Variants in MTPN observed in about 807,000 individuals in gnomAD.
The protein encoded by MTPN is granule cell differentiation protein.
In MTPN, 2 loss-of-function variants were observed where a neutral mutation model predicts 13.5. The observed-to-expected ratio is 0.15, with a 90% CI of 0.06 to 0.47. MTPN has a LOEUF of 0.47. Ranked by LOEUF, MTPN falls within the 20% of genes least tolerant of loss-of-function variation. The probability of loss-of-function intolerance (pLI) is 0.97; values close to 1 mark genes in which losing one functional copy is unlikely to be tolerated. For synonymous variants in MTPN, 46 were observed against 51.7 expected (o/e 0.89, Z 0.48); for missense variants, 79 against 137.9 (o/e 0.57, Z 2.14).
intron 1 of MTPN, among the ~76,000 whole-genome samples, chr7:135,972,978 G>C (rs1280592780): frequency 2.0e-5 from 3 of 151,638 alleles, no homozygotes; most frequent in Non-Finnish European, 4.4e-5. Context: ...GCAGGGTCTG[G>C]AGCAGAGTGC....
At position 135,927,794 on chromosome 7, in the gene MTPN, T is replaced by C; in HGVS notation, c.*2132A>G. On this transcript the variant is annotated 3_prime_UTR_variant, in exon 4 of 4. Transcript: ENST00000393085. ...CGAAGGCGAAATAGCCTCTACTGCA[T>C]TACAAGCAACATCAGGATAAACTGT... The C allele has an allele frequency of 4.5e-6, 2 of 445,968 alleles. No homozygotes were observed. The highest frequency in any genetic ancestry group is 9.0e-6 in the Non-Finnish European group (2 of 221,046). 27.6% of individuals were successfully genotyped at this position (445,968 alleles called of 1,614,324 possible). A position where few individuals can be genotyped will look rare whatever the true frequency, so the allele number is the denominator to read the frequency against.
intron 1 of MTPN, among the ~76,000 whole-genome samples, chr7:135,968,063 T>C (rs1409924255): frequency 6.6e-6 from 1 of 152,150 alleles, no homozygotes; most frequent in Non-Finnish European, 1.5e-5. Flanking sequence ...CCCAAAATGC[T>C]GGGATTACAG....
chr7:135,939,592 GT>G (rs1562929852), intron 3 of MTPN, among the ~76,000 whole-genome samples: 7 of 44,968 alleles, frequency 1.6e-4, no homozygotes, highest in Admixed American at 5.1e-4. Context: ...GGGGGGGCGG[GT>G]GCGTGGGGCG....
At chr7:135,972,712 C>T (rs937661290) in intron 1 of MTPN, among the ~76,000 whole-genome samples, 1 of 152,066 alleles carries the variant, frequency 6.6e-6, no homozygotes, top group Admixed American at 6.5e-5. Flanking sequence ...AAAGAAGCAG[C>T]ACTCTATGTG....
At chr7:135,948,763 C>G (rs569550971) in intron 3 of MTPN, among the ~76,000 whole-genome samples, 2 of 152,182 alleles carry the variant, frequency 1.3e-5, no homozygotes, top group East Asian at 3.9e-4. Context: ...AGAGGTCTAA[C>G]ACAAAGAAAA....
intron 1 of MTPN, among the ~76,000 whole-genome samples, chr7:135,963,459 C>T (rs1359049406): frequency 6.6e-6 from 1 of 151,938 alleles, no homozygotes; most frequent in Non-Finnish European, 1.5e-5. Context: ...GTAAACTCTA[C>T]CACTGAGGCG....
intron 1 of MTPN, among the ~76,000 whole-genome samples, chr7:135,976,812 C>A (rs1042309161): frequency 2.0e-5 from 3 of 152,074 alleles, no homozygotes; most frequent in Non-Finnish European, 4.4e-5. Context: ...ACTGTATTAA[C>A]GCAGCAGTTA....
chr7:135,950,081 A>C (rs1181482369), intron 3 of MTPN, among the ~76,000 whole-genome samples: 2 of 152,214 alleles, frequency 1.3e-5, no homozygotes, highest in Admixed American at 1.3e-4. Flanking sequence ...GGCTTATAAT[A>C]GCAAAGACAA....
intron 1 of MTPN, among the ~76,000 whole-genome samples, chr7:135,957,976 A>T (rs548683086): frequency 6.6e-6 from 1 of 152,032 alleles, no homozygotes; most frequent in Non-Finnish European, 1.5e-5. Flanking sequence ...AACCAAATAA[A>T]CCTTGTTCTT....
At chr7:135,938,798 G>A (rs747792154) in intron 3 of MTPN, among the ~76,000 whole-genome samples, 3 of 152,144 alleles carry the variant, frequency 2.0e-5, no homozygotes, top group Middle Eastern at 3.2e-3. Flanking sequence ...GACTGAGCCC[G>A]GCTAAAGCTT....
intron 1 of MTPN, among the ~76,000 whole-genome samples, chr7:135,975,896 A>C (rs1799766267): frequency 1.3e-5 from 2 of 152,236 alleles, no homozygotes; most frequent in Admixed American, 1.3e-4. Flanking sequence ...TGCCTTGCAC[A>C]ATCCTGTAAG....
chr7:135,949,491 C>A (rs1252763009), intron 3 of MTPN, among the ~76,000 whole-genome samples: 2 of 152,014 alleles, frequency 1.3e-5, no homozygotes, highest in African/African-American at 4.8e-5. Context: ...ATAAAAATTG[C>A]TCTTGATATA....
intron 3 of MTPN, among the ~76,000 whole-genome samples, chr7:135,941,155 G>T (rs1799203223): frequency 6.6e-6 from 1 of 152,282 alleles, no homozygotes; most frequent in Non-Finnish European, 1.5e-5. Context: ...GAGAATCAGA[G>T]ACTAGTTCTC....
At chr7:135,953,107 C>A (rs945025807) in intron 1 of MTPN, among the ~76,000 whole-genome samples, 2 of 152,130 alleles carry the variant, frequency 1.3e-5, no homozygotes, top group Non-Finnish European at 2.9e-5. Flanking sequence ...ACTCCAAACT[C>A]CTCCAAACTC....
At chr7:135,949,276 A>G (rs1049917426) in intron 3 of MTPN, among the ~76,000 whole-genome samples, 8 of 152,186 alleles carry the variant, frequency 5.3e-5, no homozygotes, top group African/African-American at 1.9e-4. Context: ...AATATTTCCC[A>G]GGGATGAAAT....
chr7:135,975,416 C>T (rs898295375), intron 1 of MTPN, among the ~76,000 whole-genome samples: 1 of 152,138 alleles, frequency 6.6e-6, no homozygotes, highest in Admixed American at 6.5e-5. Context: ...CACAATTTAC[C>T]ATCTCCATAA....
intron 1 of MTPN, among the ~76,000 whole-genome samples, chr7:135,951,924 G>T (rs1799369245): frequency 6.6e-6 from 1 of 152,172 alleles, no homozygotes; most frequent in Admixed American, 6.5e-5. Context: ...TCAGCATAGT[G>T]TCAATATGTG....
At chr7:135,951,681 G>C in intron 1 of MTPN, 51 bp from the exon 2 acceptor site, 1 of 1,217,410 alleles carries the variant, frequency 8.2e-7, no homozygotes, top group Non-Finnish European at 1.2e-6. Context: ...GAAGACTGAA[G>C]AAGTGAAATG....
intron 3 of MTPN, among the ~76,000 whole-genome samples, chr7:135,940,314 CTT>C: frequency 6.6e-6 from 1 of 152,278 alleles, no homozygotes; most frequent in African/African-American, 2.4e-5. Flanking sequence ...ATTATACATA[CTT>C]TGCAATTTTA....
Sources: gnomAD v4.1 joint callset for allele counts (sites outside exome capture counted in the v4.1 genomes callset) on GRCh38, gnomAD v4.1.1 for gene constraint, MANE v1.5 for transcripts, NCBI Gene and HGNC (gene_info 2026-07-23, HGNC 2026-07-21) for gene names.